Variants in PRKDC observed in about 807,000 individuals in gnomAD.
PRKDC encodes DNA-dependent protein kinase catalytic subunit.
A neutral mutation model predicts 486.9 loss-of-function variants in PRKDC; 82 were observed. The observed-to-expected ratio is 0.17, with a 90% CI of 0.14 to 0.20. The LOEUF (loss-of-function observed/expected upper bound fraction) is 0.20. Ranked by LOEUF, PRKDC falls within the 10% of genes least tolerant of loss-of-function variation. The probability of loss-of-function intolerance (pLI) is 1.00; values close to 1 mark genes in which losing one functional copy is unlikely to be tolerated. For synonymous variants in PRKDC, 1,895 were observed against 1,837.0 expected (o/e 1.03, Z -0.81); for missense variants, 4,504 against 5,038.2 (o/e 0.89, Z 3.21).
At chr8:47,795,206 T>C (rs990574015) in intron 73 of PRKDC, among the ~76,000 whole-genome samples, 4 of 148,344 alleles carry the variant, frequency 2.7e-5, no homozygotes, top group Admixed American at 6.7e-5. Flanking sequence ...TTTTTTTTTT[T>C]CTTGAGACAG....
intron 66 of PRKDC, among the ~76,000 whole-genome samples, chr8:47,820,467 CCTTT>C (rs1333378439): frequency 6.6e-6 from 1 of 151,462 alleles, no homozygotes; most frequent in African/African-American, 2.4e-5. Flanking sequence ...AAAAATGAAA[CCTTT>C]CTAAAATAGA....
At chr8:47,872,004 T>A (rs1157404262) in intron 40 of PRKDC, among the ~76,000 whole-genome samples, 1 of 152,214 alleles carries the variant, frequency 6.6e-6, no homozygotes. Flanking sequence ...ACACTGTAAT[T>A]GTGGTATGTA....
intron 80 of PRKDC, among the ~76,000 whole-genome samples, chr8:47,780,175 A>G (rs2086675102): frequency 6.6e-6 from 1 of 152,192 alleles, no homozygotes; most frequent in South Asian, 2.1e-4. Context: ...TTGGCCTCCC[A>G]AAGTGCTGGG....
Position 47,840,196 on chromosome 8 carries a change from G to C in PRKDC, c.7281-7C>G. 1.3e-6 allele frequency: 2 copies of C among 1,568,080 alleles called. No homozygotes were observed. Among genetic ancestry groups the C allele is most frequent in the Non-Finnish European group, 8.7e-7 (1 of 1,153,986 alleles). Reference sequence around the variant, plus strand: ...TTTTTGTCTTTCATCATCTCTATGGGAGAGATTTTAAAAACACACAAATTT... The same window carrying C: ...TTTTTGTCTTTCATCATCTCTATGGCAGAGATTTTAAAAACACACAAATTT... On this transcript the variant is annotated splice_polypyrimidine_tract_variant and splice_region_variant and intron_variant, in intron 54 of 85. Transcript: ENST00000314191.
At chr8:47,858,820 T>G (rs765430191) in intron 47 of PRKDC, 29 bp downstream of exon 47, 1 of 1,606,466 alleles carries the variant, frequency 6.2e-7, no homozygotes, top group Non-Finnish European at 8.5e-7. Flanking sequence ...GAATATAGTA[T>G]TAACAGGTAA....
intron 30 of PRKDC, among the ~76,000 whole-genome samples, chr8:47,895,899 C>T (rs1369845025): frequency 1.3e-5 from 2 of 151,956 alleles, no homozygotes; most frequent in African/African-American, 2.4e-5. Context: ...ATTAGCCGGG[C>T]GTGGTAGCAC....
chr8:47,850,034 C>A (rs2088365926), intron 52 of PRKDC, among the ~76,000 whole-genome samples: 1 of 152,154 alleles, frequency 6.6e-6, no homozygotes. Flanking sequence ...GTTATATATT[C>A]ATCTGTGTAC....
At chr8:47,777,552 A>G in intron 84 of PRKDC, 134 bp downstream of exon 84, 2 of 1,055,074 alleles carry the variant, frequency 1.9e-6, no homozygotes, top group Non-Finnish European at 2.7e-6. Flanking sequence ...ACTAACTTTG[A>G]GAAATGCTGT....
Position 47,888,580 on chromosome 8 carries a change from C to T in PRKDC, c.4351G>A (p.Val1451Ile), listed in dbSNP as rs778383404. 4.4e-6 allele frequency: 7 copies of T among 1,588,240 alleles called. No individual in the cohort carries two copies. Among genetic ancestry groups the T allele is most frequent in the East Asian group, 4.6e-5 (2 of 43,824 alleles). ...AQVDRSRLAAVVSACKQLHRA... is the reference protein window; with the variant it reads ...AQVDRSRLAAIVSACKQLHRA... ...TGAAGCTGTTTACAGGCAGACACAA[C>T]AGCAGCCAGCCTGCTCCTGTCCACT... Residue 1451 changes from valine to isoleucine, a missense_variant, in exon 34 of 86, where the codon GTT becomes ATT. By Grantham distance (29) the Val-to-Ile change is conservative. Transcript: ENST00000314191.
chr8:47,861,967 C>T (rs1319597561), intron 44 of PRKDC, 95 bp downstream of exon 44: 37 of 1,005,090 alleles, frequency 3.7e-5, no homozygotes, highest in Admixed American at 3.3e-4. Flanking sequence ...TGTTGAAAGC[C>T]GACTTGAATA....
At chr8:47,899,550 G>A (rs1289163223) in intron 28 of PRKDC, among the ~76,000 whole-genome samples, 1 of 152,180 alleles carries the variant, frequency 6.6e-6, no homozygotes, top group African/African-American at 2.4e-5. Context: ...GGCTGAGGCA[G>A]GAGAATCGCT....
chr8:47,921,265 G>GA (rs560739582), intron 21 of PRKDC, among the ~76,000 whole-genome samples: 28 of 148,694 alleles, frequency 1.9e-4, no homozygotes, highest in African/African-American at 2.5e-4. Flanking sequence ...AAAAAAAAAA[G>GA]AAAAAAAAAT....
chr8:47,837,087 C>A, intron 57 of PRKDC, 125 bp downstream of exon 57: 1 of 1,095,876 alleles, frequency 9.1e-7, no homozygotes, highest in Non-Finnish European at 1.3e-6. Context: ...CACGAGCCTT[C>A]CCTTTCCTTT....
intron 7 of PRKDC, among the ~76,000 whole-genome samples, chr8:47,952,957 T>C (rs894815407): frequency 1.4e-4 from 21 of 152,138 alleles, no homozygotes; most frequent in Non-Finnish European, 2.5e-4. Context: ...CTGGCCAACA[T>C]GGTGAAACCC....
At chr8:47,844,529 G>A (rs1201394683) in intron 54 of PRKDC, among the ~76,000 whole-genome samples, 8 of 152,134 alleles carry the variant, frequency 5.3e-5, no homozygotes, top group Admixed American at 5.2e-4. Flanking sequence ...CTCAACACTT[G>A]AACAATCGGA....
chr8:47,852,616 C>A, intron 52 of PRKDC, 57 bp downstream of exon 52: 1 of 1,069,968 alleles, frequency 9.3e-7, no homozygotes, highest in South Asian at 1.6e-5. Flanking sequence ...TATCAAGGGT[C>A]ATAACAAATC....
intron 21 of PRKDC, among the ~76,000 whole-genome samples, chr8:47,921,448 A>G (rs1217417311): frequency 1.3e-5 from 2 of 152,156 alleles, no homozygotes; most frequent in African/African-American, 4.8e-5. Flanking sequence ...ATGGTTGGGT[A>G]CTTTGATAAT....
intron 68 of PRKDC, among the ~76,000 whole-genome samples, chr8:47,816,556 A>G (rs1454342402): frequency 6.6e-6 from 1 of 152,222 alleles, no homozygotes; most frequent in African/African-American, 2.4e-5. Flanking sequence ...ACTGAACAGT[A>G]GTTACATAAA....
intron 68 of PRKDC, among the ~76,000 whole-genome samples, chr8:47,813,370 G>A (rs755825398): frequency 6.6e-6 from 1 of 151,818 alleles, no homozygotes; most frequent in Non-Finnish European, 1.5e-5. Flanking sequence ...CACCCACCTC[G>A]GCCTCCTAAA....
Sources: allele counts gnomAD v4.1 joint callset (sites outside exome capture counted in the v4.1 genomes callset), GRCh38; gene constraint gnomAD v4.1.1; transcripts MANE v1.5; gene names NCBI Gene and HGNC (gene_info 2026-07-23, HGNC 2026-07-21).